The following ZHX3 variants were observed in gnomAD, a reference collection of about 807,000 sequenced individuals.
ZHX3 encodes the protein zinc fingers and homeoboxes protein 3.
A neutral mutation model predicts 64.5 loss-of-function variants in ZHX3; 20 were observed. That is an observed-to-expected ratio of 0.31 (90% CI 0.22 to 0.45). ZHX3 has a LOEUF of 0.45. Ranked by LOEUF, ZHX3 falls within the 20% of genes least tolerant of loss-of-function variation. The probability of loss-of-function intolerance (pLI) is 1.00; values close to 1 mark genes in which losing one functional copy is unlikely to be tolerated. For missense variants in ZHX3, 1,041 were observed against 1,195.8 expected (o/e 0.87, Z 1.91); for synonymous variants, 423 against 461.6 (o/e 0.92, Z 1.07).
At chr20:41,270,734 G>A (rs1306071789) in intron 1 of ZHX3, among the ~76,000 whole-genome samples, 1 of 151,958 alleles carries the variant, frequency 6.6e-6, no homozygotes, top group East Asian at 1.9e-4. Context: ...GGGGTACCTG[G>A]GCAAATATAA....
chr20:41,270,114 G>A (rs2043057771), intron 1 of ZHX3, among the ~76,000 whole-genome samples: 1 of 152,178 alleles, frequency 6.6e-6, no homozygotes, highest in South Asian at 2.1e-4. Flanking sequence ...TGTTAAGGCC[G>A]GGTACGGTGG....
intron 2 of ZHX3, among the ~76,000 whole-genome samples, chr20:41,206,618 G>A (rs893954150): frequency 7.9e-5 from 12 of 152,076 alleles, no homozygotes; most frequent in African/African-American, 1.9e-4. Flanking sequence ...AAAAAGAAAC[G>A]AACAAAGCCT....
At chr20:41,257,710 C>A (rs2042333766) in intron 2 of ZHX3, among the ~76,000 whole-genome samples, 1 of 150,688 alleles carries the variant, frequency 6.6e-6, no homozygotes, top group Admixed American at 6.6e-5. Flanking sequence ...CTGCCAGCTT[C>A]AAGCAATTCT....
intron 1 of ZHX3, among the ~76,000 whole-genome samples, chr20:41,287,890 A>C (rs1297810162): frequency 6.6e-6 from 1 of 152,226 alleles, no homozygotes; most frequent in Non-Finnish European, 1.5e-5. Flanking sequence ...TTTATTATGT[A>C]GCAATAGATA....
intron 2 of ZHX3, among the ~76,000 whole-genome samples, chr20:41,222,021 T>G (rs894882800): frequency 2.0e-5 from 3 of 152,192 alleles, no homozygotes; most frequent in African/African-American, 7.2e-5. Context: ...GAGCAGAAGG[T>G]TGGCGTCATC....
chr20:41,227,385 G>A (rs530139883), intron 2 of ZHX3, among the ~76,000 whole-genome samples: 1 of 152,288 alleles, frequency 6.6e-6, no homozygotes, highest in Non-Finnish European at 1.5e-5. Context: ...CTGAAAATGA[G>A]AGTGGCTGTG....
intron 3 of ZHX3, chr20:41,196,587 TTA>T (rs1254634513): frequency 1.2e-3 from 106 of 89,522 alleles, no homozygotes; most frequent in African/African-American, 2.6e-3. Context: ...ATATATATAT[TTA>T]TATATATAAA....
chr20:41,236,303 C>G (rs1224459904), intron 2 of ZHX3, among the ~76,000 whole-genome samples: 1 of 152,108 alleles, frequency 6.6e-6, no homozygotes, highest in Non-Finnish European at 1.5e-5. Context: ...AAAAAGAGCC[C>G]GCATTGCCAA....
chr20:41,196,131 A>G (rs1029399415), intron 3 of ZHX3, among the ~76,000 whole-genome samples: 2 of 150,330 alleles, frequency 1.3e-5, no homozygotes, highest in East Asian at 2.0e-4. Context: ...GAAATCCTCT[A>G]TTTCCTGATT....
rs932508538 is a variant in ZHX3, at chr20:41,190,171, C to T, written c.2861-4970G>A. On this transcript the variant is annotated intron_variant, in intron 3 of 3. Transcript: ENST00000683867. ...ATTATAATTTTTTGAGACAGAGTTTCGCTCTTGTAGCCCAGGCGGAAGCAC... is the reference window on the plus strand; with the variant it reads ...ATTATAATTTTTTGAGACAGAGTTTTGCTCTTGTAGCCCAGGCGGAAGCAC... Among the ~76,000 whole-genome samples, 8 of 152,176 alleles carry T rather than the reference C, an allele frequency of 5.3e-5. No homozygotes were observed. In the East Asian group the frequency reaches 5.8e-4, roughly 11 times the overall value.
intron 2 of ZHX3, among the ~76,000 whole-genome samples, chr20:41,233,961 C>G (rs770611801): frequency 6.6e-6 from 1 of 152,196 alleles, no homozygotes; most frequent in Non-Finnish European, 1.5e-5. Flanking sequence ...CTCACCCTTG[C>G]AGATTGTACA....
chr20:41,211,873 G>A (rs920529806), intron 2 of ZHX3, among the ~76,000 whole-genome samples: 43 of 152,166 alleles, frequency 2.8e-4, no homozygotes, highest in Non-Finnish European at 1.5e-4. Flanking sequence ...AAGCTCCTTT[G>A]TATATATCAT....
intron 1 of ZHX3, among the ~76,000 whole-genome samples, chr20:41,287,113 T>C (rs2043974372): frequency 6.6e-6 from 1 of 152,216 alleles, no homozygotes; most frequent in Non-Finnish European, 1.5e-5. Context: ...TCAAACATGC[T>C]GCTGACTTGA....
At chr20:41,243,481 AAC>A (rs1184100450) in intron 2 of ZHX3, among the ~76,000 whole-genome samples, 2 of 152,118 alleles carry the variant, frequency 1.3e-5, no homozygotes, top group African/African-American at 4.8e-5. Context: ...CACTGACTCA[AAC>A]AGTCTTAGGA....
chr20:41,211,956 A>G (rs541244679), intron 2 of ZHX3, among the ~76,000 whole-genome samples: 2 of 152,370 alleles, frequency 1.3e-5, no homozygotes, highest in East Asian at 3.8e-4. Flanking sequence ...TTATGGACCC[A>G]GTGAGCAAAT....
rs987835423 is a variant in ZHX3 at position 41,212,572 on chromosome 20, C to T, written c.-150-7506G>A. ...TAGCACTTTGGGAGGCCAAGGCGGG[C>T]GGATCACCAGAGGTCAGGAGTTCAA... On this transcript the variant is annotated intron_variant, in intron 2 of 3. Transcript: ENST00000683867. This position sits in a 1 kb window ranked among gnomAD's most constrained non-coding sequence, Gnocchi z 4.3. Among the ~76,000 whole-genome samples the T allele has an allele frequency of 3.9e-5, 6 of 152,028 alleles. No individual in the cohort carries two copies. The highest frequency in any genetic ancestry group is 5.9e-5 in the Non-Finnish European group (4 of 68,006).
At chr20:41,220,263 G>A (rs1274842437) in intron 2 of ZHX3, among the ~76,000 whole-genome samples, 1 of 152,212 alleles carries the variant, frequency 6.6e-6, no homozygotes, top group East Asian at 1.9e-4. Flanking sequence ...CTCGAAGGAT[G>A]AATAAATACT....
chr20:41,202,537 A>C lies in ZHX3; in HGVS notation c.2380T>G (p.Tyr794Asp). The change falls in exon 3 of 4, where the codon TAT becomes GAT. Residue 794 changes from tyrosine (Y) to aspartate (D), a missense_variant. Transcript: ENST00000683867. The surrounding 1 kb of genome is among the most constrained non-coding windows in gnomAD (Gnocchi z 7.0). ...VQTQWPSNQD[Y>D]DSIMAQTGLP... ...CCCGTCTGGGCCATGATGGAGTCAT[A>C]GTCCTGGTTGCTTGGCCACTGTGTC... 6.2e-7 allele frequency: 1 copy of C among 1,614,154 alleles called. No homozygotes were observed. Among genetic ancestry groups the C allele is most frequent in the Non-Finnish European group, 8.5e-7 (1 of 1,180,038 alleles).
chr20:41,216,214 A>G (rs565873053), intron 2 of ZHX3, among the ~76,000 whole-genome samples: 2 of 152,220 alleles, frequency 1.3e-5, no homozygotes, highest in Non-Finnish European at 2.9e-5. Flanking sequence ...AACCCATTCC[A>G]AAATAAAAAT....
Sources: allele counts gnomAD v4.1 joint callset (sites outside exome capture counted in the v4.1 genomes callset), GRCh38; gene constraint gnomAD v4.1.1; non-coding constraint Gnocchi (gnomAD v3.1); transcripts MANE v1.5; gene names NCBI Gene and HGNC (gene_info 2026-07-23, HGNC 2026-07-21).